Variants in GXYLT1 observed in about 807,000 individuals in gnomAD.
GXYLT1 encodes the protein glycosyltransferase 8 domain containing 3.
A neutral mutation model predicts 54.0 loss-of-function variants in GXYLT1; 29 were observed. The observed-to-expected ratio is 0.54, with a 90% CI of 0.40 to 0.73. The LOEUF (loss-of-function observed/expected upper bound fraction) is 0.73. GXYLT1 is among the 30% of genes least tolerant of loss of function. The probability of loss-of-function intolerance (pLI) is 0.00; values close to 1 mark genes in which losing one functional copy is unlikely to be tolerated. For synonymous variants in GXYLT1, 176 were observed against 204.1 expected (o/e 0.86, Z 1.17); for missense variants, 490 against 553.4 (o/e 0.89, Z 1.15).
chr12:42,110,955 A>G (rs2065450157), intron 3 of GXYLT1, among the ~76,000 whole-genome samples: 1 of 152,248 alleles, frequency 6.6e-6, no homozygotes, highest in Admixed American at 6.5e-5. Flanking sequence ...GTTCAAAAAT[A>G]TAGTATATGT....
chr12:42,131,075 A>G (rs2065591526), intron 1 of GXYLT1, among the ~76,000 whole-genome samples: 2 of 152,214 alleles, frequency 1.3e-5, no homozygotes, highest in South Asian at 4.1e-4. Flanking sequence ...ACAAGCTAAA[A>G]TGGAAGATCA....
chr12:42,125,379 C>G lies in GXYLT1; in HGVS notation c.314+4380G>C, dbSNP rs141537599. On this transcript the variant is annotated intron_variant, in intron 2 of 7. Coordinates refer to ENST00000398675, the MANE Select transcript of GXYLT1 (RefSeq NM_173601.2). ...CCAATATGCAACTAGAAATACAGGT[C>G]TGGCTCTCAGAAAAGAACTCTGAAT... Among the ~76,000 whole-genome samples, 560 of 152,272 alleles carry G rather than the reference C, an allele frequency of 3.7e-3. 1 individual carries two copies. Among genetic ancestry groups the G allele is most frequent in the Middle Eastern group, 6.8e-3 (2 of 294 alleles).
intron 4 of GXYLT1, 36 bp from the exon 5 acceptor site, chr12:42,106,105 T>C (rs781347430): frequency 6.7e-7 from 1 of 1,483,652 alleles, no homozygotes; most frequent in South Asian, 1.2e-5. Context: ...TAACTATAAT[T>C]CTATTTTAAA....
intron 1 of GXYLT1, among the ~76,000 whole-genome samples, chr12:42,137,026 C>A (rs1592128000): frequency 1.3e-5 from 2 of 152,220 alleles, no homozygotes; most frequent in Admixed American, 1.3e-4. Context: ...CCCACCTTTG[C>A]CTCCCTGCTA....
At chr12:42,096,833 AC>A (rs765166499) in intron 7 of GXYLT1, among the ~76,000 whole-genome samples, 6 of 152,166 alleles carry the variant, frequency 3.9e-5, no homozygotes, top group Non-Finnish European at 8.8e-5. Flanking sequence ...AATCAACATC[AC>A]CAGTGAGGGG....
Position 42,129,833 on chromosome 12 carries a change from C to CA in GXYLT1, c.239dup (p.Cys81ValfsTer12), listed in dbSNP as rs1565579848. On this transcript the variant is annotated frameshift_variant, in exon 2 of 8. Transcript: ENST00000398675. LOFTEE classifies it high-confidence loss of function. ...GCATCCAATAGGGATTCCAGTAACACAGAGAGAAATCTTTACACCTAACAG... is the reference window on the plus strand; with the variant it reads ...GCATCCAATAGGGATTCCAGTAACACAAGAGAGAAATCTTTACACCTAACAG... The CA allele has an allele frequency of 6.2e-7, 1 of 1,612,814 alleles. No individual in the cohort carries two copies. The highest frequency in any genetic ancestry group is 8.5e-7 in the Non-Finnish European group (1 of 1,178,996).
intron 5 of GXYLT1, among the ~76,000 whole-genome samples, chr12:42,101,625 G>A (rs1165090556): frequency 6.6e-6 from 1 of 151,446 alleles, no homozygotes; most frequent in Non-Finnish European, 1.5e-5. Context: ...AGGCTGGAGT[G>A]CAGTGGCGCA....
At position 42,126,826 on chromosome 12, in the gene GXYLT1, G is replaced by C. The variant is rs573495452; in HGVS notation, c.314+2933C>G. 6.7e-5 allele frequency among the ~76,000 whole-genome samples: 10 copies of C among 149,394 alleles called. No homozygotes were observed. The South Asian group carries it at 1.9e-3, about 28-fold the overall frequency. ...GCCCAGGAGGCAGCGGTTGCAGTGA[G>C]CCAAGATCATGCCACTGCACTCCAG... On this transcript the variant is annotated intron_variant, in intron 2 of 7. Coordinates refer to ENST00000398675, the MANE Select transcript of GXYLT1 (RefSeq NM_173601.2).
chr12:42,082,360 CAT>C lies in GXYLT1; in HGVS notation c.*5424_*5425del, dbSNP rs1488495900. On this transcript the variant is annotated 3_prime_UTR_variant, in exon 8 of 8. Coordinates refer to ENST00000398675, the MANE Select transcript of GXYLT1 (RefSeq NM_173601.2). ...GCTCTGCTAAGTTTTGAACAGATAA[CAT>C]ATTCTACAGCAATGCTCAAGCCCTG... 1 of 152,184 alleles carries C rather than the reference CAT, an allele frequency of 6.6e-6. No individual in the cohort carries two copies. Among genetic ancestry groups the C allele is most frequent in the East Asian group, 1.9e-4 (1 of 5,194 alleles). 9.4% of individuals were successfully genotyped at this position (152,184 alleles called of 1,614,324 possible). A position where few individuals can be genotyped will look rare whatever the true frequency, so the allele number is the denominator to read the frequency against.
At chr12:42,110,023 A>G (rs1403276270) in intron 3 of GXYLT1, among the ~76,000 whole-genome samples, 1 of 152,198 alleles carries the variant, frequency 6.6e-6, no homozygotes, top group Non-Finnish European at 1.5e-5. Context: ...TCCATTAACA[A>G]GCTAAAATCA....
chr12:42,129,901 G>A, intron 1 of GXYLT1, 50 bp from the exon 2 acceptor site: 1 of 1,163,240 alleles, frequency 8.6e-7, no homozygotes, highest in South Asian at 1.3e-5. Context: ...TTTTGGTTTG[G>A]AACTAACAAG....
At chr12:42,094,343 C>G (rs1434472124) in intron 7 of GXYLT1, among the ~76,000 whole-genome samples, 1 of 146,312 alleles carries the variant, frequency 6.8e-6, no homozygotes, top group Non-Finnish European at 1.5e-5. Flanking sequence ...AAGAGCATAA[C>G]CCTGCCTCAA....
chr12:42,113,198 C>T (rs2065470054), intron 3 of GXYLT1, among the ~76,000 whole-genome samples: 2 of 151,052 alleles, frequency 1.3e-5, no homozygotes, highest in Admixed American at 1.3e-4. Flanking sequence ...TAAAGACCAT[C>T]AAAGCTAGGA....
At chr12:42,127,057 T>C (rs933334398) in intron 2 of GXYLT1, among the ~76,000 whole-genome samples, 1 of 152,128 alleles carries the variant, frequency 6.6e-6, no homozygotes, top group African/African-American at 2.4e-5. Flanking sequence ...CAAATAATAT[T>C]TGATCAAAGT....
rs2065301184 is a variant in GXYLT1, at chr12:42,087,449, A to AG, written c.*336dup. The AG allele has an allele frequency of 5.0e-6, 1 of 198,782 alleles. No individual in the cohort carries two copies. Among genetic ancestry groups the AG allele is most frequent in the Non-Finnish European group, 1.0e-5 (1 of 99,054 alleles). 12.3% of individuals were successfully genotyped at this position (198,782 alleles called of 1,614,324 possible). ...CAGTCTTGAGTGTTGGCACTGTTTG[A>AG]GGTACATTTTCTCCATCTACACACC... On this transcript the variant is annotated 3_prime_UTR_variant, in exon 8 of 8. Coordinates refer to ENST00000398675, the MANE Select transcript of GXYLT1 (RefSeq NM_173601.2).
At chr12:42,104,413 T>G (rs2065407882) in intron 5 of GXYLT1, among the ~76,000 whole-genome samples, 1 of 152,060 alleles carries the variant, frequency 6.6e-6, no homozygotes, top group African/African-American at 2.4e-5. Context: ...CAAGACAGAA[T>G]AACAAACTTG....
chr12:42,129,922 A>G (rs2065585021), intron 1 of GXYLT1, 71 bp from the exon 2 acceptor site: 1 of 886,974 alleles, frequency 1.1e-6, no homozygotes. Context: ...GAATTTACTC[A>G]GTAACACGAT....
chr12:42,137,762 G>GGAAAAAA (rs373214719), intron 1 of GXYLT1, among the ~76,000 whole-genome samples: 10,522 of 107,114 alleles, frequency 0.098, 714 homozygotes, highest in Non-Finnish European at 0.14. Context: ...ATCTCAAATT[G>GGAAAAAA]AAAAAAAAAA....
chr12:42,137,957 C>T (rs2065630308), intron 1 of GXYLT1, among the ~76,000 whole-genome samples: 1 of 152,124 alleles, frequency 6.6e-6, no homozygotes, highest in Non-Finnish European at 1.5e-5. Flanking sequence ...CAAATCACTA[C>T]TATTTAATTT....
Sources: allele counts gnomAD v4.1 joint callset (sites outside exome capture counted in the v4.1 genomes callset), GRCh38; gene constraint gnomAD v4.1.1; transcripts MANE v1.5; gene names NCBI Gene and HGNC (gene_info 2026-07-23, HGNC 2026-07-21).